The following URI1 variants were observed in gnomAD, a reference collection of about 807,000 sequenced individuals.
URI1 encodes unconventional prefoldin RPB5 interactor 1.
A neutral mutation model predicts 60.2 loss-of-function variants in URI1; 39 were observed. The observed-to-expected ratio is 0.65, with a 90% CI of 0.50 to 0.85. URI1 has a LOEUF of 0.85. Among genes scored for constraint, URI1 ranks in the 40% least tolerant of loss-of-function variants. The pLI, the probability that URI1 is intolerant of heterozygous loss-of-function variation, is 0.00. For missense variants in URI1, 691 were observed against 665.9 expected (o/e 1.04, Z -0.42); for synonymous variants, 251 against 236.8 (o/e 1.06, Z -0.55).
In URI1 at chr19:30,015,078, T is replaced by C; in HGVS notation, c.*9T>C. On this transcript the variant is annotated 3_prime_UTR_variant, in exon 11 of 11. Transcript: ENST00000392271. Reference sequence around the variant, plus strand: ...TGCAACAGAAAGACTAGGCCCTGTCTAGGAAATGGGAATTTACATCCTAAA... The same window carrying C: ...TGCAACAGAAAGACTAGGCCCTGTCCAGGAAATGGGAATTTACATCCTAAA... 6.2e-7 allele frequency: 1 copy of C among 1,608,688 alleles called. No homozygotes were observed. Among genetic ancestry groups the C allele is most frequent in the African/African-American group, 1.3e-5 (1 of 74,540 alleles).
intron 1 of URI1, among the ~76,000 whole-genome samples, chr19:29,944,347 C>T (rs1054632473): frequency 6.6e-6 from 1 of 150,868 alleles, no homozygotes; most frequent in South Asian, 2.1e-4. Flanking sequence ...GAGAATGTGA[C>T]ACAGACCCTC....
chr19:29,996,518 G>A (rs162936), intron 4 of URI1, among the ~76,000 whole-genome samples: 1,952 of 151,872 alleles, frequency 0.013, 52 homozygotes, highest in African/African-American at 0.045. Context: ...AGGGTTTTCT[G>A]CATATTACAT....
chr19:30,008,070 A>G (rs1599724908), intron 7 of URI1, among the ~76,000 whole-genome samples: 1 of 152,178 alleles, frequency 6.6e-6, no homozygotes, highest in Non-Finnish European at 1.5e-5. Flanking sequence ...AATTTGATAC[A>G]GTAAAATGTT....
At chr19:29,976,967 C>A (rs1032095118) in intron 2 of URI1, among the ~76,000 whole-genome samples, 1 of 152,092 alleles carries the variant, frequency 6.6e-6, no homozygotes, top group Admixed American at 6.5e-5. Context: ...AAAGCAAATA[C>A]TCAACATTTT....
At chr19:29,935,221 G>C (rs185276289) in intron 1 of URI1, among the ~76,000 whole-genome samples, 5 of 152,030 alleles carry the variant, frequency 3.3e-5, no homozygotes, top group Admixed American at 2.0e-4. Flanking sequence ...ATCACAATTA[G>C]CATCTTAAAT....
At chr19:29,993,170 A>AGG (rs1470083845) in intron 4 of URI1, among the ~76,000 whole-genome samples, 39 of 152,320 alleles carry the variant, frequency 2.6e-4, no homozygotes, top group Admixed American at 7.2e-4. Context: ...TGAAGGGATA[A>AGG]GAGCATGAAC....
Position 29,991,323 on chromosome 19 carries a change from G to A in URI1, c.367+4906G>A, listed in dbSNP as rs543131563. 1.1e-4 allele frequency among the ~76,000 whole-genome samples: 17 copies of A among 152,238 alleles called. No individual in the cohort carries two copies. In the South Asian group the frequency reaches 2.9e-3, roughly 26 times the overall value. On this transcript the variant is annotated intron_variant, in intron 4 of 10. Transcript: ENST00000392271. Reference sequence around the variant, plus strand: ...GTTTTTGAGCATACAGGTCATATGCGTTTTGTTAGGTTTATATCTAAGTGT... The same window carrying A: ...GTTTTTGAGCATACAGGTCATATGCATTTTGTTAGGTTTATATCTAAGTGT...
chr19:29,963,106 G>A (rs2055347402), intron 1 of URI1, among the ~76,000 whole-genome samples: 1 of 152,034 alleles, frequency 6.6e-6, no homozygotes, highest in Non-Finnish European at 1.5e-5. Context: ...AATTTTCTTT[G>A]TGCTTCTCTT....
rs774754630 is a variant in URI1, at chr19:30,009,236, T to TGACGAC, written c.928_933dup (p.Asp310_Asp311dup). 2 of 475,460 alleles carry TGACGAC rather than the reference T, an allele frequency of 4.2e-6. No individual in the cohort carries two copies. The highest frequency in any genetic ancestry group is 4.3e-5 in the East Asian group (1 of 23,136). 29.5% of individuals were successfully genotyped at this position (475,460 alleles called of 1,614,324 possible). A position where few individuals can be genotyped will look rare whatever the true frequency, so the allele number is the denominator to read the frequency against. ...GTGATGATGATGATGATGATGATGA[T>TGACGAC]GACGACGACGACGACAACATTGACG... On this transcript the variant is annotated inframe_insertion, in exon 8 of 11. Coordinates refer to ENST00000392271, the MANE Select transcript of URI1 (RefSeq NM_003796.3).
rs111774963 is a variant in URI1 at position 29,986,607 on chromosome 19, C to T, written c.367+190C>T. On this transcript the variant is annotated intron_variant, in intron 4 of 10. Coordinates refer to ENST00000392271, the MANE Select transcript of URI1 (RefSeq NM_003796.3). ...AGAATGAGCTGGAGAATGGAGCATC[C>T]GGGTTGGAAATGTCACCTACATTGG... Among the ~76,000 whole-genome samples the T allele has an allele frequency of 4.5e-3, 690 of 152,144 alleles. 4 individuals are homozygous for T. Among genetic ancestry groups the T allele is most frequent in the African/African-American group, 0.016 (668 of 41,494 alleles).
intron 8 of URI1, 73 bp from the exon 9 acceptor site, chr19:30,011,021 G>T: frequency 6.7e-7 from 1 of 1,493,648 alleles, no homozygotes; most frequent in Non-Finnish European, 9.1e-7. Context: ...TTTAGTTATA[G>T]AGTTTATTTG....
At chr19:29,952,817 T>C (rs1380431129) in intron 1 of URI1, among the ~76,000 whole-genome samples, 2 of 152,180 alleles carry the variant, frequency 1.3e-5, no homozygotes, top group Admixed American at 6.5e-5. Flanking sequence ...TCTAAAACTT[T>C]TTCGTCACCC....
chr19:30,008,936 A>G, intron 7 of URI1, 69 bp from the exon 8 acceptor site: 1 of 1,257,440 alleles, frequency 8.0e-7, no homozygotes, highest in Non-Finnish European at 1.1e-6. Flanking sequence ...CATGGAAACT[A>G]ACTGGAAATT....
upstream of URI1, among the ~76,000 whole-genome samples, chr19:29,938,219 G>A (rs1202915933): frequency 6.6e-6 from 1 of 152,118 alleles, no homozygotes; most frequent in African/African-American, 2.4e-5. Context: ...GGCCATACAA[G>A]CATGTGGCAC....
At chr19:29,952,079 A>G (rs1258636175) in intron 1 of URI1, among the ~76,000 whole-genome samples, 2 of 152,240 alleles carry the variant, frequency 1.3e-5, no homozygotes, top group South Asian at 4.1e-4. Flanking sequence ...TCAATATACC[A>G]GAAAAAGCAG....
At chr19:29,975,742 G>T (rs2055514112) in intron 2 of URI1, among the ~76,000 whole-genome samples, 1 of 152,112 alleles carries the variant, frequency 6.6e-6, no homozygotes, top group African/African-American at 2.4e-5. Context: ...CTGAGCTCAG[G>T]CAATGCACCC....
intron 1 of URI1, among the ~76,000 whole-genome samples, chr19:29,967,782 GT>G (rs1184668100): frequency 6.6e-6 from 1 of 152,172 alleles, no homozygotes; most frequent in Non-Finnish European, 1.5e-5. Flanking sequence ...GAAAGACTTG[GT>G]TTTAAAACTG....
At chr19:29,982,591 G>A (rs1344848414) in intron 2 of URI1, among the ~76,000 whole-genome samples, 3 of 152,138 alleles carry the variant, frequency 2.0e-5, no homozygotes, top group African/African-American at 7.2e-5. Context: ...TATTAATAGT[G>A]AGTGTTGACT....
intron 1 of URI1, among the ~76,000 whole-genome samples, chr19:29,959,696 G>T (rs948399088): frequency 6.6e-6 from 1 of 152,104 alleles, no homozygotes; most frequent in African/African-American, 2.4e-5. Context: ...AGATTTGGTG[G>T]TGATGTCCTC....
Sources: allele counts gnomAD v4.1 joint callset (sites outside exome capture counted in the v4.1 genomes callset), GRCh38; gene constraint gnomAD v4.1.1; transcripts MANE v1.5; gene names NCBI Gene and HGNC (gene_info 2026-07-23, HGNC 2026-07-21).